KIF18A: variants seen among roughly 807,000 people sequenced by gnomAD.
KIF18A encodes kinesin family member 18A, also known as kinesin-like protein KIF18A.
A neutral mutation model predicts 103.3 loss-of-function variants in KIF18A; 67 were observed. The observed-to-expected ratio is 0.65, with a 90% confidence interval of 0.53 to 0.79. The LOEUF is 0.79. KIF18A is among the 30% of genes least tolerant of loss of function. The pLI is 0.00. For missense variants in KIF18A, 1,032 were observed against 1,062.5 expected, an observed-to-expected ratio of 0.97 and a Z score of 0.40; for synonymous variants, 367 against 355.5, an observed-to-expected ratio of 1.03 and a Z score of -0.36.
chr11:28,041,981 G>A (rs1590670414), intron 13 of KIF18A, among the ~76,000 whole-genome samples: 2 of 151,324 alleles, frequency 1.3e-5, no homozygotes, highest in Non-Finnish European at 3.0e-5. Flanking sequence ...CACTCATCAA[G>A]CTTGGGATCC....
At chr11:28,079,030 T>C (rs749654758) in intron 9 of KIF18A, among the ~76,000 whole-genome samples, 3 of 152,046 alleles carry the variant, frequency 2.0e-5, no homozygotes, top group Non-Finnish European at 4.4e-5. Context: ...AGAATTAAAA[T>C]CAAAGCTTTT....
chr11:28,060,695 T>C (rs888518270), intron 12 of KIF18A, among the ~76,000 whole-genome samples: 1 of 150,314 alleles, frequency 6.7e-6, no homozygotes, highest in Non-Finnish European at 1.5e-5. Flanking sequence ...CCAGAACTCA[T>C]ATGACAAGAG....
At chr11:28,101,962 A>G (rs904929993) in intron 1 of KIF18A, among the ~76,000 whole-genome samples, 1 of 152,154 alleles carries the variant, frequency 6.6e-6, no homozygotes, top group South Asian at 2.1e-4. Context: ...TTGACCCCGT[A>G]TATTGTGACT....
chr11:28,089,747 T>C (rs2133558813), intron 5 of KIF18A, among the ~76,000 whole-genome samples: 1 of 152,308 alleles, frequency 6.6e-6, no homozygotes, highest in Middle Eastern at 3.4e-3. Flanking sequence ...TTTATTCAAA[T>C]ATTTTAAGCT....
chr11:28,060,201 T>G (rs1041024687), intron 12 of KIF18A, among the ~76,000 whole-genome samples: 6 of 152,178 alleles, frequency 3.9e-5, no homozygotes, highest in Non-Finnish European at 5.9e-5. Context: ...GGTTCCCAAA[T>G]TTTCTATAAA....
intron 13 of KIF18A, among the ~76,000 whole-genome samples, chr11:28,044,288 G>T (rs1179876547): frequency 6.6e-6 from 1 of 151,844 alleles, no homozygotes; most frequent in Non-Finnish European, 1.5e-5. Context: ...AATACTGGTA[G>T]CCAGGCCCAT....
chr11:28,033,670 C>G (rs1332993154), intron 15 of KIF18A, among the ~76,000 whole-genome samples: 1 of 151,340 alleles, frequency 6.6e-6, no homozygotes, highest in African/African-American at 2.4e-5. Flanking sequence ...AAATTGAACT[C>G]ATGGAGATAG....
intron 12 of KIF18A, among the ~76,000 whole-genome samples, chr11:28,061,167 A>G (rs1418022707): frequency 6.6e-6 from 1 of 152,174 alleles, no homozygotes; most frequent in East Asian, 1.9e-4. Flanking sequence ...TTTATGTTTA[A>G]TCTTTTCAAA....
At chr11:28,071,794 G>T (rs1464262658) in intron 10 of KIF18A, among the ~76,000 whole-genome samples, 1 of 152,106 alleles carries the variant, frequency 6.6e-6, no homozygotes, top group Non-Finnish European at 1.5e-5. Context: ...AGATTTTAGT[G>T]GGTCTTCAGT....
chr11:28,095,018 C>G (rs577333208), intron 2 of KIF18A, among the ~76,000 whole-genome samples: 29 of 152,104 alleles, frequency 1.9e-4, no homozygotes, highest in Non-Finnish European at 2.9e-4. Context: ...CTACCCCCGG[C>G]CCCCCACTCT....
chr11:28,091,546 G>GT, intron 3 of KIF18A, 33 bp from the exon 4 acceptor site: 1 of 1,135,996 alleles, frequency 8.8e-7, no homozygotes, highest in Non-Finnish European at 1.3e-6. Flanking sequence ...TAGCATTGAT[G>GT]TAAAAAAAAA....
chr11:28,106,394 T>C (rs1289808333), intron 1 of KIF18A, among the ~76,000 whole-genome samples: 1 of 152,090 alleles, frequency 6.6e-6, no homozygotes, highest in Non-Finnish European at 1.5e-5. Context: ...CACTATCATC[T>C]ACAGTCCATC....
chr11:28,024,206 A>AAC (rs1850284149), intron 15 of KIF18A, among the ~76,000 whole-genome samples: 1 of 151,328 alleles, frequency 6.6e-6, no homozygotes, highest in Non-Finnish European at 1.5e-5. Context: ...AAAAAAAAAA[A>AAC]AAAAACTAAG....
intron 10 of KIF18A, among the ~76,000 whole-genome samples, chr11:28,070,319 G>A (rs967813623): frequency 6.6e-6 from 1 of 152,104 alleles, no homozygotes; most frequent in African/African-American, 2.4e-5. Context: ...TTGAGACTTG[G>A]GCATATAATA....
At chr11:28,023,883 A>AT (rs34088899) in intron 15 of KIF18A, 33 bp from the exon 16 acceptor site, 17 of 1,122,358 alleles carry the variant, frequency 1.5e-5, no homozygotes, top group African/African-American at 4.6e-5. Context: ...TTAGTTAAGC[A>AT]TTTTTTTTAT....
chr11:28,032,884 G>T (rs1235939263), intron 15 of KIF18A, among the ~76,000 whole-genome samples: 2 of 151,860 alleles, frequency 1.3e-5, no homozygotes, highest in East Asian at 1.9e-4. Context: ...AAGTTAAAAA[G>T]CTTCTGTAAA....
chr11:28,094,948 G>A lies in KIF18A; in HGVS notation c.326-148C>T. ...AATTATAGTCTTATCCTTAAAACCT[G>A]GGAATGTTACCACAAATCTACTCTT... On this transcript the variant is annotated intron_variant, in intron 2 of 16. Transcript: ENST00000263181. 5 of 730,042 alleles carry A rather than the reference G, an allele frequency of 6.8e-6. No individual in the cohort carries two copies. In the South Asian group the frequency reaches 8.7e-5, roughly 13 times the overall value. The allele number at this position is 730,042 out of a possible 1,614,324, so 45.2% of individuals were successfully genotyped here.
At chr11:28,044,761 T>A (rs1229419781) in intron 13 of KIF18A, among the ~76,000 whole-genome samples, 1 of 149,672 alleles carries the variant, frequency 6.7e-6, no homozygotes, top group Non-Finnish European at 1.5e-5. Context: ...AAATCATGGA[T>A]TAGATGGAGA....
intron 13 of KIF18A, among the ~76,000 whole-genome samples, chr11:28,051,328 AAGAC>A (rs1850708738): frequency 6.6e-6 from 1 of 151,948 alleles, no homozygotes; most frequent in African/African-American, 2.4e-5. Context: ...TACTGGCCCT[AAGAC>A]AGACAAACAG....
Sources: gnomAD v4.1 joint callset for allele counts (sites outside exome capture counted in the v4.1 genomes callset) on GRCh38, gnomAD v4.1.1 for gene constraint, MANE v1.5 for transcripts, NCBI Gene and HGNC (gene_info 2026-07-23, HGNC 2026-07-21) for gene names.